Variants in ATP8A2 observed in about 807,000 individuals in gnomAD.
ATP8A2 encodes the protein phospholipid-transporting ATPase IB.
ATP8A2 carries 100 observed loss-of-function variants against 165.6 expected under a neutral mutation model. The observed-to-expected ratio is 0.60, with a 90% CI of 0.51 to 0.71. The LOEUF is 0.71. Ranked by LOEUF, ATP8A2 falls within the 30% of genes least tolerant of loss-of-function variation. ATP8A2 has a pLI of 0.00. For missense variants in ATP8A2, 1,227 were observed against 1,479.5 expected, an observed-to-expected ratio of 0.83 and a Z score of 2.80; for synonymous variants, 543 against 548.8, an observed-to-expected ratio of 0.99 and a Z score of 0.15.
chr13:25,650,540 T>C (rs943530102), intron 24 of ATP8A2, among the ~76,000 whole-genome samples: 21 of 152,190 alleles, frequency 1.4e-4, no homozygotes, highest in African/African-American at 4.3e-4. Context: ...TCTAGCTTAC[T>C]AGAACCTCCA....
intron 2 of ATP8A2, among the ~76,000 whole-genome samples, chr13:25,510,581 A>G (rs554278617): frequency 2.0e-5 from 3 of 152,266 alleles, no homozygotes; most frequent in African/African-American, 7.2e-5. Flanking sequence ...TGCTGTACTC[A>G]TGTTTGTTTC....
chr13:25,618,896 G>C (rs1237205109), intron 24 of ATP8A2, among the ~76,000 whole-genome samples: 1 of 152,102 alleles, frequency 6.6e-6, no homozygotes, highest in African/African-American at 2.4e-5. Flanking sequence ...GCATTGAAAT[G>C]AAAGAACTCC....
intron 2 of ATP8A2, among the ~76,000 whole-genome samples, chr13:25,469,875 G>A (rs2035794646): frequency 6.6e-6 from 1 of 152,108 alleles, no homozygotes; most frequent in Non-Finnish European, 1.5e-5. Flanking sequence ...TCTTTATCAC[G>A]GGTGTTCGTA....
intron 2 of ATP8A2, among the ~76,000 whole-genome samples, chr13:25,513,161 T>G (rs1191752078): frequency 7.0e-6 from 1 of 143,500 alleles, no homozygotes; most frequent in Non-Finnish European, 1.5e-5. Flanking sequence ...ACCTCTCAGA[T>G]GGGGCGGCTG....
intron 1 of ATP8A2, among the ~76,000 whole-genome samples, chr13:25,415,594 G>A (rs1429737911): frequency 6.6e-6 from 1 of 152,144 alleles, no homozygotes; most frequent in African/African-American, 2.4e-5. Flanking sequence ...GCTCTATGTG[G>A]TCCAGCTCTT....
intron 33 of ATP8A2, among the ~76,000 whole-genome samples, chr13:25,933,744 G>A (rs1284148698): frequency 6.6e-6 from 1 of 152,190 alleles, no homozygotes; most frequent in African/African-American, 2.4e-5. Flanking sequence ...AGCTGAAGTT[G>A]GTGGAGTGTC....
intron 33 of ATP8A2, among the ~76,000 whole-genome samples, chr13:25,882,788 T>A (rs1180942240): frequency 6.6e-6 from 1 of 152,160 alleles, no homozygotes; most frequent in East Asian, 1.9e-4. Flanking sequence ...GCTTAAAAAT[T>A]AGCCACAAAT....
intron 1 of ATP8A2, among the ~76,000 whole-genome samples, chr13:25,433,816 T>C (rs780444213): frequency 1.3e-5 from 2 of 152,198 alleles, no homozygotes; most frequent in Non-Finnish European, 2.9e-5. Flanking sequence ...AATGAAATCA[T>C]GTCCTTTGCA....
chr13:25,741,694 T>G (rs546687244), intron 25 of ATP8A2, among the ~76,000 whole-genome samples: 162 of 152,230 alleles, frequency 1.1e-3, no homozygotes, highest in African/African-American at 3.7e-3. Context: ...TAGATCTTAA[T>G]TGAAAACTTA....
chr13:25,549,800 G>A (rs190036414), intron 10 of ATP8A2, among the ~76,000 whole-genome samples: 20 of 152,142 alleles, frequency 1.3e-4, no homozygotes, highest in Admixed American at 1.2e-3. Context: ...CGAGATGTTG[G>A]CTGCTCTTTT....
intron 33 of ATP8A2, among the ~76,000 whole-genome samples, chr13:25,923,343 A>G (rs1954513959): frequency 6.6e-6 from 1 of 152,204 alleles, no homozygotes; most frequent in African/African-American, 2.4e-5. Context: ...ACAAGCCAGC[A>G]CACCGCAAGA....
chr13:25,810,550 T>C (rs1950843946), intron 27 of ATP8A2, among the ~76,000 whole-genome samples: 1 of 151,966 alleles, frequency 6.6e-6, no homozygotes, highest in South Asian at 2.1e-4. Flanking sequence ...AACACTACTC[T>C]ATCTCCAAAA....
chr13:25,853,083 TATAAG>T (rs1383807689), intron 30 of ATP8A2, among the ~76,000 whole-genome samples: 1 of 152,002 alleles, frequency 6.6e-6, no homozygotes, highest in African/African-American at 2.4e-5. Flanking sequence ...AAAGTGTTTA[TATAAG>T]ATATTTTTTA....
At chr13:25,463,978 A>C (rs1166859050) in intron 1 of ATP8A2, among the ~76,000 whole-genome samples, 1 of 151,976 alleles carries the variant, frequency 6.6e-6, no homozygotes, top group Non-Finnish European at 1.5e-5. Flanking sequence ...TGATTTCCTA[A>C]CATTCTGTTC....
chr13:25,625,131 A>T (rs2041069048), intron 24 of ATP8A2, among the ~76,000 whole-genome samples: 2 of 152,208 alleles, frequency 1.3e-5, no homozygotes, highest in South Asian at 4.1e-4. Flanking sequence ...TTAGTTGTGG[A>T]TCTGAGGATT....
chr13:25,749,025 G>A (rs1178886658), intron 25 of ATP8A2, among the ~76,000 whole-genome samples: 2 of 152,166 alleles, frequency 1.3e-5, no homozygotes, highest in Non-Finnish European at 2.9e-5. Context: ...TGTAGTGAGA[G>A]GACAGTGAAA....
At chr13:25,595,604 C>T (rs1430710064) in intron 24 of ATP8A2, among the ~76,000 whole-genome samples, 2 of 152,080 alleles carry the variant, frequency 1.3e-5, no homozygotes, top group Non-Finnish European at 2.9e-5. Flanking sequence ...CAGAGTTGCT[C>T]CCCTCGATTG....
At chr13:25,475,245 C>T (rs899729238) in intron 2 of ATP8A2, among the ~76,000 whole-genome samples, 1 of 152,172 alleles carries the variant, frequency 6.6e-6, no homozygotes, top group African/African-American at 2.4e-5. Context: ...TCATTTAGCT[C>T]CCTCTTGTAA....
intron 2 of ATP8A2, among the ~76,000 whole-genome samples, chr13:25,477,140 A>G (rs2036017418): frequency 6.6e-6 from 1 of 152,196 alleles, no homozygotes; most frequent in Non-Finnish European, 1.5e-5. Context: ...TGATTTCTTT[A>G]TCAAGTTGAC....
Sources: gnomAD v4.1 joint callset for allele counts (sites outside exome capture counted in the v4.1 genomes callset) on GRCh38, gnomAD v4.1.1 for gene constraint, MANE v1.5 for transcripts, NCBI Gene and HGNC (gene_info 2026-07-23, HGNC 2026-07-21) for gene names.